The following MC2R variants were observed in gnomAD, a reference collection of about 807,000 sequenced individuals.
MC2R encodes adrenocorticotropic hormone receptor.
MC2R carries 9 observed loss-of-function variants against 9.8 expected under a neutral mutation model. The observed-to-expected ratio is 0.92, with a 90% CI of 0.55 to 1.60. MC2R has a LOEUF of 1.60. Among genes scored for constraint, MC2R ranks in the 40% most tolerant of loss-of-function variants. The pLI is 0.00. For missense variants in MC2R, 370 were observed against 389.0 expected, an observed-to-expected ratio of 0.95 and a Z score of 0.41; for synonymous variants, 185 against 154.7, an observed-to-expected ratio of 1.20 and a Z score of -1.45.
At chr18:13,912,317 G>C in intron 1 of MC2R, among the ~76,000 whole-genome samples, 1 of 152,130 alleles carries the variant, frequency 6.6e-6, no homozygotes, top group South Asian at 2.1e-4. Flanking sequence ...TAAGAAAACG[G>C]AGGCTCAGGG....
At position 13,882,124 on chromosome 18, in the gene MC2R, T is replaced by A. The variant is rs1351962275; in HGVS notation, c.*2501A>T. The stretch of plus-strand genomic sequence containing the variant: ...ATCCTGAACATTTTCAGCTATCTGG[T>A]CCAAGGCTAGGTCATCGATAAAGCT... On this transcript the variant is annotated 3_prime_UTR_variant, in exon 2 of 2. Transcript: ENST00000327606. 6.6e-6 allele frequency: 1 copy of A among 152,228 alleles called. No homozygotes were observed. Among genetic ancestry groups the A allele is most frequent in the Non-Finnish European group, 1.5e-5 (1 of 68,046 alleles). 9.4% of individuals were successfully genotyped at this position (152,228 alleles called of 1,614,324 possible).
At chr18:13,891,285 G>A (rs2045314366) in intron 1 of MC2R, among the ~76,000 whole-genome samples, 1 of 152,100 alleles carries the variant, frequency 6.6e-6, no homozygotes, top group African/African-American at 2.4e-5. Context: ...TCCACTGCAT[G>A]GTATTCCATT....
At position 13,913,496 on chromosome 18, in the gene MC2R, G is replaced by A. The variant is rs143270801; in HGVS notation, c.-129+1992C>T. 4.6e-3 allele frequency among the ~76,000 whole-genome samples: 706 copies of A among 152,298 alleles called. 3 individuals carry two copies. The highest frequency in any genetic ancestry group is 6.9e-3 in the Non-Finnish European group (471 of 68,034). On this transcript the variant is annotated intron_variant, in intron 1 of 1. Transcript: ENST00000327606. ...GCGTTACCCATGCTGCTAGCACAGCGCTTGGCACACGCATATTTTGAGTTG... is the reference window on the plus strand; with the variant it reads ...GCGTTACCCATGCTGCTAGCACAGCACTTGGCACACGCATATTTTGAGTTG...
At chr18:13,903,046 T>C (rs573177392) in intron 1 of MC2R, among the ~76,000 whole-genome samples, 2 of 152,316 alleles carry the variant, frequency 1.3e-5, no homozygotes, top group African/African-American at 2.4e-5. Context: ...TGAATAGATG[T>C]ATCTCTAAAG....
At chr18:13,892,852 C>T (rs1046077641) in intron 1 of MC2R, among the ~76,000 whole-genome samples, 1 of 151,344 alleles carries the variant, frequency 6.6e-6, no homozygotes, top group African/African-American at 2.4e-5. Context: ...ACACACCACA[C>T]ACACACATCT....
chr18:13,886,941 G>C (rs2045280038), intron 1 of MC2R, among the ~76,000 whole-genome samples: 1 of 152,198 alleles, frequency 6.6e-6, no homozygotes, highest in African/African-American at 2.4e-5. Flanking sequence ...TGTGGGTCCG[G>C]TGGATGCGGA....
chr18:13,898,781 C>T (rs1167614029), intron 1 of MC2R, among the ~76,000 whole-genome samples: 2 of 152,196 alleles, frequency 1.3e-5, no homozygotes, highest in African/African-American at 4.8e-5. Context: ...CAAGGTGGTA[C>T]CTCTATGAGT....
chr18:13,889,935 C>A (rs974426186), intron 1 of MC2R, among the ~76,000 whole-genome samples: 1 of 152,156 alleles, frequency 6.6e-6, no homozygotes, highest in African/African-American at 2.4e-5. Flanking sequence ...GTCCCACAGG[C>A]TTTGTGTTGC....
Position 13,885,042 on chromosome 18 carries a change from C to G in MC2R, c.477G>C (p.Thr159=), listed in dbSNP as rs141290578. ...AGATCACCATGGTGATGCCAGTCCC[C>G]GTGCAGAACGTCCAGATGACCGTAA... ...VVLTVIWTFC[T]GTGITMVIFS... is the part of the protein sequence containing the mutation. Residue 159 remains threonine (T), a synonymous_variant, in exon 2 of 2, where the codon ACG becomes ACC. Transcript: ENST00000327606. 1.2e-6 allele frequency: 2 copies of G among 1,614,114 alleles called. No individual in the cohort carries two copies. The highest frequency in any genetic ancestry group is 1.7e-6 in the Non-Finnish European group (2 of 1,180,028).
chr18:13,894,749 A>G (rs1430345026), intron 1 of MC2R, among the ~76,000 whole-genome samples: 1 of 152,186 alleles, frequency 6.6e-6, no homozygotes, highest in East Asian at 1.9e-4. Flanking sequence ...TATTGTCTCT[A>G]AGATGCCTTG....
intron 1 of MC2R, among the ~76,000 whole-genome samples, chr18:13,892,462 G>T (rs1392080023): frequency 1.3e-5 from 2 of 152,142 alleles, no homozygotes; most frequent in African/African-American, 2.4e-5. Context: ...TTCAGCACAG[G>T]CCTCTGGGCA....
At chr18:13,911,710 G>C (rs2045445700) in intron 1 of MC2R, among the ~76,000 whole-genome samples, 1 of 152,186 alleles carries the variant, frequency 6.6e-6, no homozygotes, top group Non-Finnish European at 1.5e-5. Context: ...CTAGGGTCTG[G>C]GGGATGTTAA....
At chr18:13,897,735 C>T (rs1165096164) in intron 1 of MC2R, among the ~76,000 whole-genome samples, 1 of 151,976 alleles carries the variant, frequency 6.6e-6, no homozygotes, top group African/African-American at 2.4e-5. Context: ...CATTCCAGGC[C>T]CTAAATCCTG....
chr18:13,912,141 C>T (rs766445820), intron 1 of MC2R, among the ~76,000 whole-genome samples: 2 of 152,194 alleles, frequency 1.3e-5, no homozygotes, highest in Non-Finnish European at 2.9e-5. Context: ...TACCTCAGCA[C>T]ATCCTTACAA....
chr18:13,894,787 T>C (rs1344799437), intron 1 of MC2R, among the ~76,000 whole-genome samples: 1 of 152,234 alleles, frequency 6.6e-6, no homozygotes, highest in Admixed American at 6.5e-5. Flanking sequence ...CATTTTTTAG[T>C]ACTGCTCTCC....
At chr18:13,891,227 CA>C (rs2045314046) in intron 1 of MC2R, among the ~76,000 whole-genome samples, 1 of 152,136 alleles carries the variant, frequency 6.6e-6, no homozygotes, top group African/African-American at 2.4e-5. Flanking sequence ...GGAGGCTTTC[CA>C]AAAAGTAGAT....
chr18:13,892,805 T>TACACACACACACAAACACAC (rs1249337026), intron 1 of MC2R, among the ~76,000 whole-genome samples: 12 of 147,106 alleles, frequency 8.2e-5, no homozygotes, highest in African/African-American at 3.0e-4. Flanking sequence ...CATAATCTGT[T>TACACACACACACAAACACAC]ACACACACAC....
intron 1 of MC2R, among the ~76,000 whole-genome samples, chr18:13,895,731 G>C (rs1441211796): frequency 6.6e-6 from 1 of 152,228 alleles, no homozygotes; most frequent in Non-Finnish European, 1.5e-5. Flanking sequence ...AGCTCCAGGG[G>C]TGGTTAGCAC....
intron 1 of MC2R, among the ~76,000 whole-genome samples, 198 bp from the exon 2 acceptor site, chr18:13,885,844 G>T (rs2045273025): frequency 6.6e-6 from 1 of 152,152 alleles, no homozygotes; most frequent in Admixed American, 6.5e-5. Context: ...TTCATCAATG[G>T]GTGAATGGAT....
Sources: gnomAD v4.1 joint callset for allele counts (sites outside exome capture counted in the v4.1 genomes callset) on GRCh38, gnomAD v4.1.1 for gene constraint, MANE v1.5 for transcripts, NCBI Gene and HGNC (gene_info 2026-07-23, HGNC 2026-07-21) for gene names.